Variants in EFCAB5 observed in about 807,000 individuals in gnomAD.
EFCAB5 encodes the protein EF-hand calcium-binding domain-containing protein 5.
Under a neutral mutation model 167.9 loss-of-function variants are expected in EFCAB5, and 131 were observed. The ratio of observed to expected loss-of-function variants is 0.78; its 90% confidence interval spans 0.68 to 0.90. EFCAB5 has a LOEUF of 0.90. Among genes scored for constraint, EFCAB5 ranks in the 40% least tolerant of loss-of-function variants. The pLI is 0.00. For synonymous variants in EFCAB5, 574 were observed against 602.8 expected, an observed-to-expected ratio of 0.95 and a Z score of 0.70; for missense variants, 1,663 against 1,745.2, an observed-to-expected ratio of 0.95 and a Z score of 0.84.
chr17:30,004,211 T>C (rs562469389), intron 7 of EFCAB5, among the ~76,000 whole-genome samples: 1 of 152,230 alleles, frequency 6.6e-6, no homozygotes, highest in Non-Finnish European at 1.5e-5. Context: ...GGCAAGACCC[T>C]GTGCAAGGTT....
chr17:29,968,772 C>T lies in EFCAB5; in HGVS notation c.191-19C>T, dbSNP rs948637762. The T allele has an allele frequency of 6.9e-7, 1 of 1,443,656 alleles. No individual in the cohort carries two copies. Among genetic ancestry groups the T allele is most frequent in the African/African-American group, 1.4e-5 (1 of 69,032 alleles). 89.4% of individuals were successfully genotyped at this position (1,443,656 alleles called of 1,614,324 possible). On this transcript the variant is annotated intron_variant, in intron 3 of 22. Coordinates refer to ENST00000394835, the MANE Select transcript of EFCAB5 (RefSeq NM_198529.4). The stretch of plus-strand genomic sequence containing the variant: ...TTTACTTCTAACATTTCTTACATTT[C>T]ACTTTTTTTTCCCCTCAGAATTAAA...
chr17:30,037,972 A>G (rs2069671013), intron 8 of EFCAB5, among the ~76,000 whole-genome samples: 1 of 152,208 alleles, frequency 6.6e-6, no homozygotes, highest in Non-Finnish European at 1.5e-5. Context: ...AGAGTCACAT[A>G]TCTCTCACTT....
rs1384324735 is a variant in EFCAB5 at position 30,055,909 on chromosome 17, A to C, written c.2216A>C (p.Gln739Pro). Reference protein sequence around the residue: ...HFPETTKKEVQKDKPCEPKSQ... With the variant: ...HFPETTKKEVPKDKPCEPKSQ... ...TTAGAAACTACAAAAAAGGAAGTTC[A>C]GAAAGACAAGCCCTGTGAACCCAAG... Residue 739 changes from glutamine to proline, a missense_variant, in exon 11 of 23, where the codon CAG (glutamine) becomes CCG (proline). Coordinates refer to ENST00000394835, the MANE Select transcript of EFCAB5 (RefSeq NM_198529.4). 1 of 1,613,342 alleles carries C rather than the reference A, an allele frequency of 6.2e-7. No individual in the cohort carries two copies. Among genetic ancestry groups the C allele is most frequent in the Non-Finnish European group, 8.5e-7 (1 of 1,179,688 alleles).
At chr17:30,096,837 G>C (rs1269992373) in intron 22 of EFCAB5, among the ~76,000 whole-genome samples, 1 of 146,772 alleles carries the variant, frequency 6.8e-6, no homozygotes, top group Admixed American at 6.8e-5. Flanking sequence ...GTGCCACCAC[G>C]CTTGGCTAAT....
chr17:30,004,125 A>T (rs1432385004), intron 7 of EFCAB5, among the ~76,000 whole-genome samples: 3 of 152,200 alleles, frequency 2.0e-5, no homozygotes, highest in Non-Finnish European at 4.4e-5. Context: ...CCCTCTCATA[A>T]GGCGTGAATT....
chr17:29,935,281 G>A (rs575416810), intron 1 of EFCAB5, among the ~76,000 whole-genome samples: 19 of 152,228 alleles, frequency 1.2e-4, no homozygotes, highest in Non-Finnish European at 2.4e-4. Flanking sequence ...AGCTTGGGTG[G>A]GGTGTGGTGC....
chr17:30,101,490 G>A (rs946591854), intron 22 of EFCAB5, among the ~76,000 whole-genome samples: 6 of 152,222 alleles, frequency 3.9e-5, no homozygotes, highest in African/African-American at 1.4e-4. Context: ...GGGAGATGAA[G>A]TGTTCAGATT....
intron 7 of EFCAB5, among the ~76,000 whole-genome samples, chr17:30,004,301 C>T (rs1385060588): frequency 6.6e-6 from 1 of 152,208 alleles, no homozygotes; most frequent in Non-Finnish European, 1.5e-5. Flanking sequence ...CCTCTGATAC[C>T]ATGCTGGTGG....
At chr17:29,930,698 CT>C (rs759704104) in intron 1 of EFCAB5, among the ~76,000 whole-genome samples, 2 of 152,146 alleles carry the variant, frequency 1.3e-5, no homozygotes, top group South Asian at 2.1e-4. Context: ...TTTTTCTTAA[CT>C]TTTCCCCCCC....
intron 3 of EFCAB5, among the ~76,000 whole-genome samples, chr17:29,947,116 G>A (rs1367314074): frequency 6.6e-6 from 1 of 150,994 alleles, no homozygotes; most frequent in African/African-American, 2.4e-5. Flanking sequence ...AGAGGTTGCA[G>A]TGAGCTGAGA....
intron 2 of EFCAB5, among the ~76,000 whole-genome samples, chr17:29,942,924 G>A (rs1425542196): frequency 1.3e-5 from 2 of 151,982 alleles, no homozygotes; most frequent in Non-Finnish European, 2.9e-5. Context: ...TGTAATCCTA[G>A]CAACTTGAAA....
intron 7 of EFCAB5, among the ~76,000 whole-genome samples, chr17:30,017,184 GA>G (rs904675785): frequency 2.7e-5 from 4 of 148,550 alleles, no homozygotes; most frequent in East Asian, 2.0e-4. Context: ...CTCAAAAAAA[GA>G]AAAAAAAATC....
chr17:30,080,955 C>T lies in EFCAB5; in HGVS notation c.3400C>T (p.Leu1134=), dbSNP rs1180821613. 1.9e-6 allele frequency: 3 copies of T among 1,612,920 alleles called. No homozygotes were observed. Among genetic ancestry groups the T allele is most frequent in the African/African-American group, 2.7e-5 (2 of 74,908 alleles). The change falls in exon 17 of 23, where the codon CTA becomes TTA. Residue 1134 remains leucine, a synonymous_variant. Transcript: ENST00000394835. The part of the protein sequence containing the change: ...LRDPHEINIF[L]PHEIRFYQGV... ...AGATCCCCACGAAATAAACATCTTT[C>T]TACCTCATGAGATCAGATTCTATCA... is the stretch of plus-strand genomic sequence containing the variant.
Position 30,080,150 on chromosome 17 carries a change from G to A in EFCAB5, c.3106G>A (p.Gly1036Arg), listed in dbSNP as rs780316424. 2.5e-6 allele frequency: 4 copies of A among 1,613,918 alleles called. No homozygotes were observed. ...LEENLLLPEK[G>R]NVLLRNVACT... Reference sequence around the variant, plus strand: ...AGAAAACCTACTACTGCCTGAGAAAGGGAATGTTCTATTGAGGAATGTGGC... The same window carrying A: ...AGAAAACCTACTACTGCCTGAGAAAAGGAATGTTCTATTGAGGAATGTGGC... The change falls in exon 16 of 23, where the codon GGG (glycine) becomes AGG (arginine). Residue 1036 changes from glycine (G) to arginine (R), a missense_variant. Gly to Arg is a moderately radical substitution (Grantham distance 125, BLOSUM62 -2). Coordinates refer to ENST00000394835, the MANE Select transcript of EFCAB5 (RefSeq NM_198529.4).
chr17:30,030,689 G>A (rs574273304), intron 7 of EFCAB5, among the ~76,000 whole-genome samples: 42 of 150,752 alleles, frequency 2.8e-4, no homozygotes, highest in African/African-American at 9.7e-4. Context: ...TTGAAACAGG[G>A]TCCCGCTCTG....
intron 22 of EFCAB5, among the ~76,000 whole-genome samples, chr17:30,098,462 G>T (rs1191530527): frequency 1.3e-5 from 2 of 151,220 alleles, no homozygotes; most frequent in African/African-American, 4.9e-5. Flanking sequence ...AACCCAAGAG[G>T]TTGAGGCTGC....
At chr17:30,056,294 T>C in intron 12 of EFCAB5, 138 bp downstream of exon 12, 1 of 763,476 alleles carries the variant, frequency 1.3e-6, no homozygotes, top group Non-Finnish European at 2.1e-6. Context: ...GTCCTTGAGC[T>C]GGTGAATCTA....
chr17:30,073,471 T>A (rs778992777), intron 14 of EFCAB5, among the ~76,000 whole-genome samples: 23 of 152,314 alleles, frequency 1.5e-4, no homozygotes, highest in Non-Finnish European at 2.4e-4. Context: ...CACTTTTTAA[T>A]CTGTCTATTC....
chr17:30,046,291 T>A (rs2069926420), intron 8 of EFCAB5, among the ~76,000 whole-genome samples: 1 of 152,164 alleles, frequency 6.6e-6, no homozygotes, highest in Admixed American at 6.5e-5. Context: ...GTTGCTTGGG[T>A]TGAAGTGCCT....
Sources: gnomAD v4.1 joint callset for allele counts (sites outside exome capture counted in the v4.1 genomes callset) on GRCh38, gnomAD v4.1.1 for gene constraint, MANE v1.5 for transcripts, NCBI Gene and HGNC (gene_info 2026-07-23, HGNC 2026-07-21) for gene names.